The following RICTOR variants were observed in gnomAD, a reference collection of about 807,000 sequenced individuals.
The protein encoded by RICTOR is RPTOR independent companion of MTOR complex 2.
A neutral mutation model predicts 214.9 loss-of-function variants in RICTOR; 49 were observed. The ratio of observed to expected loss-of-function variants is 0.23; its 90% confidence interval spans 0.18 to 0.29. The LOEUF (loss-of-function observed/expected upper bound fraction) is 0.29. RICTOR is among the 10% of genes least tolerant of loss of function. The probability of loss-of-function intolerance (pLI) is 1.00; values close to 1 mark genes in which losing one functional copy is unlikely to be tolerated. For missense variants in RICTOR, 1,625 were observed against 2,047.0 expected, an observed-to-expected ratio of 0.79 and a Z score of 3.98; for synonymous variants, 717 against 711.3, an observed-to-expected ratio of 1.01 and a Z score of -0.13.
intron 2 of RICTOR, among the ~76,000 whole-genome samples, chr5:39,038,004 G>C (rs897828557): frequency 6.6e-6 from 1 of 152,198 alleles, no homozygotes; most frequent in Non-Finnish European, 1.5e-5. Context: ...AAGCCTGGCA[G>C]AGACACAACC....
intron 5 of RICTOR, among the ~76,000 whole-genome samples, chr5:39,001,596 C>T (rs921167370): frequency 6.6e-6 from 1 of 152,016 alleles, no homozygotes; most frequent in Admixed American, 6.6e-5. Context: ...AATGAAGAGG[C>T]AAGGCAAAGG....
Position 39,070,511 on chromosome 5 carries a change from A to G in RICTOR, c.97+3600T>C, listed in dbSNP as rs528584126. On this transcript the variant is annotated intron_variant, in intron 2 of 37. Coordinates refer to ENST00000357387, the MANE Select transcript of RICTOR (RefSeq NM_152756.5). ...AAAAAAAGTTAGAGTTCAAATCTAC[A>G]TCATTTTGGAACCTTTCTGCTTTTC... is the stretch of plus-strand genomic sequence containing the variant. Among the ~76,000 whole-genome samples the G allele has an allele frequency of 3.5e-4, 54 of 152,350 alleles. 1 individual carries two copies. In the East Asian group the frequency reaches 4.0e-3, roughly 11 times the overall value.
intron 25 of RICTOR, among the ~76,000 whole-genome samples, chr5:38,957,194 T>C (rs1243085969): frequency 1.3e-5 from 2 of 152,170 alleles, no homozygotes; most frequent in Non-Finnish European, 2.9e-5. Flanking sequence ...AAGAAGTTCA[T>C]TCTCAGATTT....
At chr5:38,948,351 A>G (rs996015883) in intron 31 of RICTOR, among the ~76,000 whole-genome samples, 4 of 152,062 alleles carry the variant, frequency 2.6e-5, no homozygotes, top group African/African-American at 9.7e-5. Context: ...CCATGCTCCT[A>G]ATTTCCACCC....
chr5:38,975,131 T>C (rs1341411943), intron 10 of RICTOR, among the ~76,000 whole-genome samples: 1 of 152,210 alleles, frequency 6.6e-6, no homozygotes, highest in African/African-American at 2.4e-5. Context: ...TCAAGAAATT[T>C]GGAACTATTA....
intron 8 of RICTOR, among the ~76,000 whole-genome samples, chr5:38,979,467 A>G (rs12054900): frequency 6.6e-6 from 1 of 152,116 alleles, no homozygotes; most frequent in African/African-American, 2.4e-5. Flanking sequence ...GGTGCTCTTC[A>G]TTCCTTCCTG....
At chr5:38,983,991 G>C (rs907707868) in intron 7 of RICTOR, among the ~76,000 whole-genome samples, 1 of 151,644 alleles carries the variant, frequency 6.6e-6, no homozygotes, top group Non-Finnish European at 1.5e-5. Context: ...CAAAACAAAA[G>C]AAAGAAATCT....
At chr5:39,019,940 A>G (rs1755267204) in intron 3 of RICTOR, among the ~76,000 whole-genome samples, 1 of 152,156 alleles carries the variant, frequency 6.6e-6, no homozygotes, top group African/African-American at 2.4e-5. Flanking sequence ...TCTCAACACT[A>G]CCAGGAATTT....
chr5:38,995,116 T>C (rs1359000706), intron 6 of RICTOR, among the ~76,000 whole-genome samples: 1 of 152,170 alleles, frequency 6.6e-6, no homozygotes, highest in Non-Finnish European at 1.5e-5. Flanking sequence ...TCTAAAACAA[T>C]AGCCCTCTTC....
At chr5:39,051,044 C>T (rs548136962) in intron 2 of RICTOR, among the ~76,000 whole-genome samples, 1,451 of 112,698 alleles carry the variant, frequency 0.013, 26 homozygotes, top group African/African-American at 0.045. Flanking sequence ...CATATATATA[C>T]ACACACACAC....
At chr5:39,037,161 A>T (rs538192203) in intron 2 of RICTOR, among the ~76,000 whole-genome samples, 120 of 152,312 alleles carry the variant, frequency 7.9e-4, no homozygotes, top group African/African-American at 2.7e-3. Context: ...GGATTAAGAA[A>T]CTCACTCAAA....
chr5:39,074,266 G>A, intron 1 of RICTOR, 63 bp downstream of exon 1: 3 of 1,576,942 alleles, frequency 1.9e-6, no homozygotes, highest in Non-Finnish European at 2.6e-6. Context: ...AGGGCCAGGG[G>A]AAGGCAAGTG....
intron 32 of RICTOR, 135 bp from the exon 33 acceptor site, chr5:38,946,687 G>T: frequency 1.7e-6 from 1 of 601,940 alleles, no homozygotes; most frequent in Non-Finnish European, 3.0e-6. Context: ...TTTACTGAAG[G>T]TTCAACTACC....
At chr5:39,063,621 G>T (rs1478090548) in intron 2 of RICTOR, among the ~76,000 whole-genome samples, 2 of 151,840 alleles carry the variant, frequency 1.3e-5, no homozygotes, top group East Asian at 3.9e-4. Context: ...AAGATAATTG[G>T]CATATGCTTC....
chr5:39,015,690 A>G (rs892791599), intron 3 of RICTOR, among the ~76,000 whole-genome samples: 1 of 152,098 alleles, frequency 6.6e-6, no homozygotes, highest in African/African-American at 2.4e-5. Flanking sequence ...TAGTTTACCA[A>G]CTGACAACTC....
chr5:38,975,326 T>G (rs1362873507), intron 10 of RICTOR, among the ~76,000 whole-genome samples: 1 of 152,210 alleles, frequency 6.6e-6, no homozygotes, highest in African/African-American at 2.4e-5. Flanking sequence ...ATGTGTATAC[T>G]GATCATAATA....
intron 2 of RICTOR, among the ~76,000 whole-genome samples, chr5:39,048,853 T>C (rs1757660934): frequency 6.6e-6 from 1 of 152,116 alleles, no homozygotes; most frequent in Non-Finnish European, 1.5e-5. Flanking sequence ...CTTGAGTCAA[T>C]GCAAGACAAG....
chr5:38,945,107 A>G (rs1045956731), intron 34 of RICTOR, 39 bp from the exon 35 acceptor site: 2 of 1,404,330 alleles, frequency 1.4e-6, no homozygotes, highest in African/African-American at 2.9e-5. Context: ...AAGCACCATA[A>G]CGGCTTAATT....
chr5:38,982,730 C>G (rs552940312), intron 7 of RICTOR, among the ~76,000 whole-genome samples: 6 of 151,952 alleles, frequency 3.9e-5, no homozygotes, highest in Admixed American at 3.9e-4. Flanking sequence ...ATTTTTCTCT[C>G]CCTTAACAAC....
Sources: gnomAD v4.1 joint callset for allele counts (sites outside exome capture counted in the v4.1 genomes callset) on GRCh38, gnomAD v4.1.1 for gene constraint, MANE v1.5 for transcripts, NCBI Gene and HGNC (gene_info 2026-07-23, HGNC 2026-07-21) for gene names.